Variants in SLC24A2 observed in about 807,000 individuals in gnomAD.
The protein encoded by SLC24A2 is sodium/potassium/calcium exchanger 2.
SLC24A2 carries 36 observed loss-of-function variants against 62.0 expected under a neutral mutation model. The ratio of observed to expected loss-of-function variants is 0.58; its 90% confidence interval spans 0.44 to 0.77. The LOEUF is 0.77. SLC24A2 is among the 30% of genes least tolerant of loss of function. The pLI, the probability that SLC24A2 is intolerant of heterozygous loss-of-function variation, is 0.00. For synonymous variants in SLC24A2, 358 were observed against 294.0 expected (o/e 1.22, Z -2.23); for missense variants, 846 against 817.9 (o/e 1.03, Z -0.42).
At chr9:20,093,719 A>C in the SLC24A2 span, among the ~76,000 whole-genome samples, 82 of 152,322 alleles carry the variant, frequency 5.4e-4, 1 homozygote, top group East Asian at 0.014. Context: ...TGGGTACAAA[A>C]AAAGTAGTTA....
intron 8 of SLC24A2, among the ~76,000 whole-genome samples, chr9:19,545,539 G>A (rs2132725266): frequency 6.6e-6 from 1 of 152,058 alleles, no homozygotes; most frequent in South Asian, 2.1e-4. Context: ...TTTTGCGCGG[G>A]TTTCTCCCCA....
At chr9:19,969,904 A>G in the SLC24A2 span, among the ~76,000 whole-genome samples, 1 of 152,168 alleles carries the variant, frequency 6.6e-6, no homozygotes, top group Non-Finnish European at 1.5e-5. Flanking sequence ...TAGGGATTGC[A>G]ATATAAAGTG....
At chr9:19,945,519 G>GA in the SLC24A2 span, among the ~76,000 whole-genome samples, 1 of 152,178 alleles carries the variant, frequency 6.6e-6, no homozygotes, top group Non-Finnish European at 1.5e-5. Context: ...AACCAGAAGT[G>GA]AAAAGGGGTA....
the SLC24A2 span, among the ~76,000 whole-genome samples, chr9:20,022,015 C>G: frequency 6.6e-6 from 1 of 152,186 alleles, no homozygotes; most frequent in Non-Finnish European, 1.5e-5. Flanking sequence ...AATGCCTCCC[C>G]TAAAATCCTG....
chr9:19,947,808 A>AAAAAAAG, the SLC24A2 span, among the ~76,000 whole-genome samples: 1 of 59,226 alleles, frequency 1.7e-5, no homozygotes, highest in South Asian at 5.4e-4. Flanking sequence ...AAAAAAAAAA[A>AAAAAAAG]AAAGAAAGAA....
chr9:19,695,280 G>A (rs566262293), intron 2 of SLC24A2, among the ~76,000 whole-genome samples: 12 of 152,168 alleles, frequency 7.9e-5, no homozygotes, highest in Middle Eastern at 3.4e-3. Context: ...CTGTAATAGA[G>A]TGAAGCCCAC....
At chr9:20,004,607 A>C in the SLC24A2 span, among the ~76,000 whole-genome samples, 1 of 152,252 alleles carries the variant, frequency 6.6e-6, no homozygotes, top group South Asian at 2.1e-4. Context: ...CAGATGTAGT[A>C]AAAATCATTA....
the SLC24A2 span, among the ~76,000 whole-genome samples, chr9:20,279,119 C>T: frequency 2.0e-5 from 3 of 152,168 alleles, no homozygotes; most frequent in Non-Finnish European, 2.9e-5. Context: ...AAAAACCTAT[C>T]CCCATGATTT....
intron 8 of SLC24A2, among the ~76,000 whole-genome samples, chr9:19,530,078 CTTTTTTTTTTT>C (rs11365952): frequency 1.6e-5 from 2 of 124,932 alleles, no homozygotes; most frequent in South Asian, 5.7e-4. Flanking sequence ...ATAAAAGCAG[CTTTTTTTTTTT>C]TTTTTTTTTA....
At chr9:19,615,313 T>A (rs1396242817) in intron 4 of SLC24A2, among the ~76,000 whole-genome samples, 2 of 152,204 alleles carry the variant, frequency 1.3e-5, no homozygotes, top group East Asian at 1.9e-4. Context: ...ATGAACGAAC[T>A]GTTCTTTAGT....
chr9:20,167,526 G>T, the SLC24A2 span, among the ~76,000 whole-genome samples: 1 of 151,942 alleles, frequency 6.6e-6, no homozygotes, highest in Non-Finnish European at 1.5e-5. Flanking sequence ...TAGAAGCAAT[G>T]ACACACCCAT....
chr9:20,171,997 G>A, the SLC24A2 span, among the ~76,000 whole-genome samples: 1 of 151,884 alleles, frequency 6.6e-6, no homozygotes, highest in Admixed American at 6.6e-5. Flanking sequence ...TAAGAAAATT[G>A]AAATTATATC....
At chr9:20,019,263 G>GAAAC in the SLC24A2 span, among the ~76,000 whole-genome samples, 1 of 135,978 alleles carries the variant, frequency 7.4e-6, no homozygotes, top group Non-Finnish European at 1.6e-5. Context: ...GAGAAAGAAA[G>GAAAC]AAAGAAAGAA....
At chr9:20,252,871 C>T in the SLC24A2 span, among the ~76,000 whole-genome samples, 1 of 152,186 alleles carries the variant, frequency 6.6e-6, no homozygotes, top group Non-Finnish European at 1.5e-5. Context: ...TCTGTTATGC[C>T]TAACTAAGTA....
chr9:19,733,259 T>C (rs1195448836), intron 2 of SLC24A2, among the ~76,000 whole-genome samples: 2 of 152,180 alleles, frequency 1.3e-5, no homozygotes, highest in Non-Finnish European at 2.9e-5. Context: ...GTATACCTGT[T>C]ATTTGTGAAT....
chr9:20,268,339 A>T, the SLC24A2 span, among the ~76,000 whole-genome samples: 1 of 152,084 alleles, frequency 6.6e-6, no homozygotes, highest in Non-Finnish European at 1.5e-5. Context: ...TCATGTTGAA[A>T]CCTAACTCCC....
At chr9:20,084,171 A>G in the SLC24A2 span, among the ~76,000 whole-genome samples, 1 of 152,240 alleles carries the variant, frequency 6.6e-6, no homozygotes, top group Non-Finnish European at 1.5e-5. Context: ...AGTGTTGCCA[A>G]GTTAAACTGG....
At chr9:19,936,265 CT>C in the SLC24A2 span, among the ~76,000 whole-genome samples, 274 of 152,126 alleles carry the variant, frequency 1.8e-3, 1 homozygote, top group African/African-American at 6.4e-3. Context: ...TGTTAGTTAT[CT>C]TCGATTTATT....
At chr9:20,156,696 C>A in the SLC24A2 span, among the ~76,000 whole-genome samples, 1 of 151,706 alleles carries the variant, frequency 6.6e-6, no homozygotes, top group Non-Finnish European at 1.5e-5. Context: ...TATACTGAAT[C>A]CTAAACAAGC....
Sources: gnomAD v4.1 joint callset for allele counts (sites outside exome capture counted in the v4.1 genomes callset) on GRCh38, gnomAD v4.1.1 for gene constraint, MANE v1.5 for transcripts, NCBI Gene and HGNC (gene_info 2026-07-23, HGNC 2026-07-21) for gene names.